MORN5: variants seen among roughly 807,000 people sequenced by gnomAD.
The protein encoded by MORN5 is MORN repeat containing 5, also known as MORN repeat-containing protein 5.
A neutral mutation model predicts 22.1 loss-of-function variants in MORN5; 21 were observed. That is an observed-to-expected ratio of 0.95 (90% CI 0.67 to 1.37). The LOEUF (loss-of-function observed/expected upper bound fraction) is 1.37. Ranked by LOEUF, MORN5 falls within the 40% of genes most tolerant of loss-of-function variation. The pLI is 0.00. For synonymous variants in MORN5, 73 were observed against 74.0 expected (o/e 0.99, Z 0.07); for missense variants, 211 against 215.1 (o/e 0.98, Z 0.12).
intron 1 of MORN5, among the ~76,000 whole-genome samples, chr9:122,166,017 G>A (rs754920783): frequency 6.6e-5 from 10 of 152,132 alleles, no homozygotes; most frequent in South Asian, 6.2e-4. Flanking sequence ...AAGGCCTCAC[G>A]ATCATGGTGG....
At chr9:122,172,765 G>A (rs10818642) in intron 3 of MORN5, among the ~76,000 whole-genome samples, 53,473 of 152,118 alleles carry the variant, frequency 0.35, 11,556 homozygotes, top group Non-Finnish European at 0.49. Context: ...AAGAGTTATT[G>A]TCAAACAGGG....
chr9:122,200,057 C>A lies in MORN5; in HGVS notation c.*126C>A. 1.1e-6 allele frequency: 1 copy of A among 898,640 alleles called. No homozygotes were observed. Among genetic ancestry groups the A allele is most frequent in the Non-Finnish European group, 1.8e-6 (1 of 555,700 alleles). The allele number at this position is 898,640 out of a possible 1,614,324, so 55.7% of individuals were successfully genotyped here. A position where few individuals can be genotyped will look rare whatever the true frequency, so the allele number is the denominator to read the frequency against. On this transcript the variant is annotated 3_prime_UTR_variant, in exon 5 of 5. Transcript: ENST00000373764. The stretch of plus-strand genomic sequence containing the variant: ...CTGTAGTTCTAGAACCTGATTTTAA[C>A]TCAGGAATAAAGACTTTCTGCGGTC...
At chr9:122,165,395 CAAAAAA>C (rs59306308) in intron 1 of MORN5, among the ~76,000 whole-genome samples, 30,216 of 82,950 alleles carry the variant, frequency 0.36, 4,121 homozygotes, top group Middle Eastern at 0.53. Context: ...CCCGTCTCTA[CAAAAAA>C]AAAAAAAAAA....
intron 4 of MORN5, among the ~76,000 whole-genome samples, chr9:122,196,017 A>T (rs1829881354): frequency 2.3e-5 from 3 of 133,104 alleles, no homozygotes; most frequent in Non-Finnish European, 4.8e-5. Context: ...TCTGTCACCC[A>T]GGCAATCACA....
chr9:122,192,631 T>C (rs887404663), intron 4 of MORN5, among the ~76,000 whole-genome samples: 3 of 152,226 alleles, frequency 2.0e-5, no homozygotes, highest in African/African-American at 7.2e-5. Context: ...GGTCAGCTCC[T>C]CCCTGCCTTC....
intron 1 of MORN5, among the ~76,000 whole-genome samples, chr9:122,165,395 CAAAAAAAA>C (rs59306308): frequency 2.0e-4 from 17 of 82,946 alleles, no homozygotes; most frequent in East Asian, 4.9e-4. Context: ...CCCGTCTCTA[CAAAAAAAA>C]AAAAAAAAAA....
chr9:122,187,123 G>T (rs1829653554), intron 4 of MORN5, among the ~76,000 whole-genome samples: 1 of 152,242 alleles, frequency 6.6e-6, no homozygotes, highest in Non-Finnish European at 1.5e-5. Flanking sequence ...ACACACTCCA[G>T]CAAGAACAGC....
intron 1 of MORN5, among the ~76,000 whole-genome samples, chr9:122,162,796 C>T (rs552173061): frequency 4.2e-4 from 64 of 152,138 alleles, no homozygotes; most frequent in Non-Finnish European, 8.7e-4. Flanking sequence ...GAAAGTAGAT[C>T]AGTAGTCACC....
chr9:122,171,588 A>T (rs1030514661), intron 3 of MORN5, among the ~76,000 whole-genome samples: 1 of 151,998 alleles, frequency 6.6e-6, no homozygotes, highest in African/African-American at 2.4e-5. Context: ...TCCCTGCATC[A>T]AGCTTCCCTG....
At chr9:122,172,407 A>G (rs1224741992) in intron 3 of MORN5, among the ~76,000 whole-genome samples, 1 of 150,968 alleles carries the variant, frequency 6.6e-6, no homozygotes, top group African/African-American at 2.4e-5. Context: ...ATCCTAGGCT[A>G]CCCACCCTTC....
intron 4 of MORN5, chr9:122,175,822 G>T (rs911432223): frequency 7.0e-6 from 4 of 573,392 alleles, no homozygotes; most frequent in Non-Finnish European, 8.8e-6. Context: ...GCTAGAATAA[G>T]AGCAAGGAGA....
At chr9:122,165,688 G>A (rs1829265827) in intron 1 of MORN5, among the ~76,000 whole-genome samples, 1 of 152,174 alleles carries the variant, frequency 6.6e-6, no homozygotes, top group African/African-American at 2.4e-5. Flanking sequence ...ATCACACATT[G>A]TATAATTACT....
At chr9:122,173,698 G>A (rs927760588) in intron 3 of MORN5, among the ~76,000 whole-genome samples, 1 of 152,182 alleles carries the variant, frequency 6.6e-6, no homozygotes, top group African/African-American at 2.4e-5. Flanking sequence ...CCTAAAAGGT[G>A]CACTCAATCT....
intron 3 of MORN5, among the ~76,000 whole-genome samples, chr9:122,170,684 A>C (rs1829352709): frequency 6.6e-6 from 1 of 152,136 alleles, no homozygotes; most frequent in Non-Finnish European, 1.5e-5. Flanking sequence ...CTGGTAGCCC[A>C]GTCTTCCTCT....
intron 2 of MORN5, 116 bp from the exon 3 acceptor site, chr9:122,169,529 G>C: frequency 2.9e-6 from 2 of 692,810 alleles, no homozygotes. Context: ...AATTGTGATA[G>C]TTACCACTTC....
In MORN5 at chr9:122,197,321, T is replaced by C. The variant is rs1829914874; in HGVS notation, c.440-2564T>C. Among the ~76,000 whole-genome samples the C allele has an allele frequency of 6.6e-6, 1 of 152,212 alleles. No individual in the cohort carries two copies. The highest frequency in any genetic ancestry group is 2.4e-5 in the African/African-American group (1 of 41,448). ...CTACCAAAAAAGGGGAGAAATTATCTGAGAAGGTGAAGATATTCTCAGACA... is the reference window on the plus strand; with the variant it reads ...CTACCAAAAAAGGGGAGAAATTATCCGAGAAGGTGAAGATATTCTCAGACA... On this transcript the variant is annotated intron_variant, in intron 4 of 4. Transcript: ENST00000373764. This position sits in a 1 kb window ranked among gnomAD's most constrained non-coding sequence, Gnocchi z 5.7.
chr9:122,189,896 G>A (rs1480147470), intron 4 of MORN5, among the ~76,000 whole-genome samples: 1 of 152,050 alleles, frequency 6.6e-6, no homozygotes, highest in Non-Finnish European at 1.5e-5. Flanking sequence ...GTGAGCCACC[G>A]CACCCGGCCT....
At chr9:122,167,342 C>A (rs1829301724) in intron 2 of MORN5, among the ~76,000 whole-genome samples, 1 of 148,738 alleles carries the variant, frequency 6.7e-6, no homozygotes, top group African/African-American at 2.5e-5. Context: ...GTGTGAGCCA[C>A]CGCACCTGAC....
chr9:122,172,442 C>T (rs73551381), intron 3 of MORN5, among the ~76,000 whole-genome samples: 7,446 of 152,074 alleles, frequency 0.049, 615 homozygotes, highest in African/African-American at 0.17. Flanking sequence ...TCCCCTCTTG[C>T]GATACTTGCT....
Sources: allele counts gnomAD v4.1 joint callset (sites outside exome capture counted in the v4.1 genomes callset), GRCh38; gene constraint gnomAD v4.1.1; non-coding constraint Gnocchi (gnomAD v3.1); transcripts MANE v1.5; gene names NCBI Gene and HGNC (gene_info 2026-07-23, HGNC 2026-07-21).